The following CEP290 variants were observed in gnomAD, a reference collection of about 807,000 sequenced individuals.
The protein encoded by CEP290 is centrosomal protein 290.
In CEP290, 317 loss-of-function variants were observed where a neutral mutation model predicts 344.9. The observed-to-expected ratio is 0.92, with a 90% CI of 0.84 to 1.01. The LOEUF is 1.01. CEP290 is among the 50% of genes least tolerant of loss of function. CEP290 has a pLI of 0.00. For missense variants in CEP290, 2,754 were observed against 2,761.4 expected (o/e 1.00, Z 0.06); for synonymous variants, 932 against 895.8 (o/e 1.04, Z -0.72).
chr12:88,117,646 A>G (rs950694195), intron 17 of CEP290, among the ~76,000 whole-genome samples: 4 of 152,252 alleles, frequency 2.6e-5, no homozygotes, highest in Non-Finnish European at 5.9e-5. Context: ...AATGGCTATT[A>G]TAAAACTTAA....
Position 88,102,956 on chromosome 12 carries a change from G to C in CEP290, c.2873C>G (p.Ser958Cys). The change falls in exon 26 of 54, where the codon TCT (serine) becomes TGT (cysteine). Residue 958 changes from serine (S) to cysteine (C), a missense_variant. Physicochemically the swap from Ser to Cys is moderately radical, Grantham distance 112. Coordinates refer to ENST00000552810, the MANE Select transcript of CEP290 (RefSeq NM_025114.4). Reference sequence around the variant, plus strand: ...ATTAGCCAGTTCTAGTTCAGACAAAGAAACACTATTATCTACAACTTTTTG... The same window carrying C: ...ATTAGCCAGTTCTAGTTCAGACAAACAAACACTATTATCTACAACTTTTTG... ...ALQKVVDNSVSLSELELANKQ... is the reference protein window; with the variant it reads ...ALQKVVDNSVCLSELELANKQ... 1.3e-6 allele frequency: 2 copies of C among 1,594,062 alleles called. No individual in the cohort carries two copies. Among genetic ancestry groups the C allele is most frequent in the South Asian group, 2.3e-5 (2 of 85,484 alleles).
At chr12:88,136,815 T>C (rs1275937911) in intron 5 of CEP290, 29 bp from the exon 6 acceptor site, 1 of 1,602,924 alleles carries the variant, frequency 6.2e-7, no homozygotes, top group Non-Finnish European at 8.5e-7. Flanking sequence ...AAGTATAAAT[T>C]AATCCCATTA....
chr12:88,055,534 T>A (rs2033927032), intron 50 of CEP290, 42 bp downstream of exon 50: 1 of 1,490,900 alleles, frequency 6.7e-7, no homozygotes, highest in African/African-American at 1.4e-5. Context: ...CTTGCGATAT[T>A]ATGCATTATT....
intron 40 of CEP290, 52 bp downstream of exon 40, chr12:88,077,645 T>C: frequency 9.5e-7 from 1 of 1,056,190 alleles, no homozygotes; most frequent in South Asian, 1.5e-5. Context: ...AGAAATAAAC[T>C]ACTACCTCTA....
At chr12:88,049,448 A>G in intron 53 of CEP290, 34 bp from the exon 54 acceptor site, 1 of 1,064,654 alleles carries the variant, frequency 9.4e-7, no homozygotes, top group South Asian at 1.5e-5. Flanking sequence ...AGTTGCATAT[A>G]GGAAATATAC....
intron 52 of CEP290, among the ~76,000 whole-genome samples, chr12:88,053,231 G>A (rs1300574555): frequency 6.6e-6 from 1 of 152,088 alleles, no homozygotes; most frequent in Non-Finnish European, 1.5e-5. Flanking sequence ...GAATGGGAAT[G>A]GAAGGGAGCA....
chr12:88,100,055 G>A (rs976669096), intron 26 of CEP290, among the ~76,000 whole-genome samples: 4 of 151,420 alleles, frequency 2.6e-5, no homozygotes, highest in Admixed American at 6.6e-5. Flanking sequence ...TGAGGCTGGC[G>A]GATTACCTGA....
chr12:88,088,037 G>A (rs2036729377), intron 31 of CEP290, 93 bp from the exon 32 acceptor site: 1 of 468,710 alleles, frequency 2.1e-6, no homozygotes, highest in South Asian at 1.2e-4. Flanking sequence ...GAAAGTAATG[G>A]CCATTCTAAA....
chr12:88,126,139 T>C (rs2039714216), intron 12 of CEP290, among the ~76,000 whole-genome samples, 177 bp downstream of exon 12: 1 of 152,078 alleles, frequency 6.6e-6, no homozygotes, highest in African/African-American at 2.4e-5. Flanking sequence ...TGATCTAAAC[T>C]TAATTCTAAT....
intron 25 of CEP290, chr12:88,103,750 CTT>C (rs2038071158): frequency 6.6e-6 from 1 of 152,012 alleles, no homozygotes; most frequent in Admixed American, 6.6e-5. Flanking sequence ...AGTAAAAAAA[CTT>C]ACGGTTGTAA....
chr12:88,112,143 G>A (rs1237877753), intron 20 of CEP290, among the ~76,000 whole-genome samples: 1 of 151,984 alleles, frequency 6.6e-6, no homozygotes. Flanking sequence ...AGATGACCAG[G>A]GTTCAAATTT....
intron 26 of CEP290, among the ~76,000 whole-genome samples, chr12:88,102,514 A>G (rs927077244): frequency 6.6e-6 from 1 of 152,146 alleles, no homozygotes; most frequent in Admixed American, 6.5e-5. Flanking sequence ...TACCTGTTTC[A>G]TGCTCCTTTT....
chr12:88,056,229 T>A (rs975653232), intron 49 of CEP290, among the ~76,000 whole-genome samples: 2 of 151,926 alleles, frequency 1.3e-5, no homozygotes, highest in African/African-American at 4.8e-5. Flanking sequence ...TCTGAATAGA[T>A]TTATAATCAT....
chr12:88,069,674 T>C (rs2471503), intron 43 of CEP290, among the ~76,000 whole-genome samples: 78,299 of 152,010 alleles, frequency 0.52, 22,598 homozygotes, highest in East Asian at 0.72. Flanking sequence ...GATTAGAAGC[T>C]CATGAGAGTG....
At chr12:88,067,295 A>G (rs1020723750) in intron 44 of CEP290, among the ~76,000 whole-genome samples, 2 of 152,266 alleles carry the variant, frequency 1.3e-5, no homozygotes, top group Admixed American at 1.3e-4. Context: ...AGCTTAAGAT[A>G]AAGTTTACTA....
chr12:88,139,613 A>G, intron 3 of CEP290, 49 bp from the exon 4 acceptor site: 2 of 1,300,588 alleles, frequency 1.5e-6, no homozygotes, highest in Non-Finnish European at 2.0e-6. Context: ...ACTGGAATGT[A>G]AGCACTGAAA....
Position 88,055,655 on chromosome 12 carries a change from G to C in CEP290, c.6881C>G (p.Thr2294Ser). ...TTCTTTTACAAGCTGTTTAAGGTCA[G>C]TAATGCTTTGATTTTTTTTGGCAAT... ...TDIAKKNQSI[T>S]DLKQLVKEAT... Residue 2294 changes from threonine to serine, a missense_variant, in exon 50 of 54, where the codon ACT (threonine) becomes AGT (serine). Thr to Ser is a moderately conservative substitution (Grantham distance 58, BLOSUM62 1). Coordinates refer to ENST00000552810, the MANE Select transcript of CEP290 (RefSeq NM_025114.4). 1 of 1,560,418 alleles carries C rather than the reference G, an allele frequency of 6.4e-7. No homozygotes were observed. Among genetic ancestry groups the C allele is most frequent in the Non-Finnish European group, 8.7e-7 (1 of 1,153,098 alleles).
At chr12:88,140,758 C>T (rs1377412459) in intron 3 of CEP290, among the ~76,000 whole-genome samples, 198 bp downstream of exon 3, 2 of 152,220 alleles carry the variant, frequency 1.3e-5, no homozygotes, top group Non-Finnish European at 2.9e-5. Context: ...TTCCCCTACA[C>T]ACCCTTTTAG....
intron 49 of CEP290, 141 bp from the exon 50 acceptor site, chr12:88,055,858 T>A: frequency 1.3e-5 from 8 of 630,938 alleles, no homozygotes; most frequent in Non-Finnish European, 2.0e-5. Context: ...TAGCTACATA[T>A]TTATTTAGCA....
Sources: gnomAD v4.1 joint callset for allele counts (sites outside exome capture counted in the v4.1 genomes callset) on GRCh38, gnomAD v4.1.1 for gene constraint, MANE v1.5 for transcripts, NCBI Gene and HGNC (gene_info 2026-07-23, HGNC 2026-07-21) for gene names.